Variants in FOXN3 observed in about 807,000 individuals in gnomAD.
FOXN3 encodes forkhead box protein N3.
FOXN3 carries 7 observed loss-of-function variants against 38.4 expected under a neutral mutation model. The ratio of observed to expected loss-of-function variants is 0.18; its 90% CI spans 0.10 to 0.34. The LOEUF (loss-of-function observed/expected upper bound fraction) is 0.34. Among genes scored for constraint, FOXN3 ranks in the 10% least tolerant of loss-of-function variants. The pLI, the probability that FOXN3 is intolerant of heterozygous loss-of-function variation, is 1.00. For synonymous variants in FOXN3, 230 were observed against 242.2 expected, an observed-to-expected ratio of 0.95 and a Z score of 0.47; for missense variants, 456 against 613.4, an observed-to-expected ratio of 0.74 and a Z score of 2.71.
intron 2 of FOXN3, among the ~76,000 whole-genome samples, chr14:89,378,802 G>A (rs1412513382): frequency 6.6e-6 from 1 of 151,140 alleles, no homozygotes; most frequent in Non-Finnish European, 1.5e-5. Context: ...TGCCTCCCAG[G>A]TTCAAGTGAT....
At chr14:89,524,404 GAAA>G (rs1309659725) in intron 1 of FOXN3, among the ~76,000 whole-genome samples, 1 of 25,600 alleles carries the variant, frequency 3.9e-5, no homozygotes, top group East Asian at 1.8e-3. Context: ...AAAAAAAAAA[GAAA>G]GAAAGAAACT....
intron 3 of FOXN3, 42 bp from the exon 4 acceptor site, chr14:89,281,056 C>T (rs750286468): frequency 1.3e-6 from 2 of 1,546,008 alleles, no homozygotes; most frequent in South Asian, 2.3e-5. Context: ...AGTTCATCTG[C>T]ACTCACACAC....
At chr14:89,398,518 A>G (rs1212577471) in intron 2 of FOXN3, among the ~76,000 whole-genome samples, 1 of 152,130 alleles carries the variant, frequency 6.6e-6, no homozygotes, top group Non-Finnish European at 1.5e-5. Context: ...CAATTTATAA[A>G]CTTGGAATGA....
intron 4 of FOXN3, among the ~76,000 whole-genome samples, chr14:89,265,603 G>A (rs1022912775): frequency 6.6e-6 from 1 of 152,188 alleles, no homozygotes; most frequent in African/African-American, 2.4e-5. Context: ...GCAAGCCAGG[G>A]TTAATGCCTA....
At chr14:89,236,319 T>A (rs1038453142) in intron 4 of FOXN3, among the ~76,000 whole-genome samples, 43 of 152,112 alleles carry the variant, frequency 2.8e-4, no homozygotes, top group African/African-American at 1.0e-3. Flanking sequence ...ATCGAGACCA[T>A]CCTGGCTAAC....
At chr14:89,553,622 C>T (rs1337881349) in intron 1 of FOXN3, among the ~76,000 whole-genome samples, 6 of 152,058 alleles carry the variant, frequency 3.9e-5, no homozygotes, top group Admixed American at 3.9e-4. Context: ...ATGTAATTAC[C>T]CTGGAGATGA....
At chr14:89,383,029 G>GTTTTTTTTTTTT (rs57032907) in intron 2 of FOXN3, among the ~76,000 whole-genome samples, 4 of 92,516 alleles carry the variant, frequency 4.3e-5, no homozygotes, top group African/African-American at 1.2e-4. Context: ...TTTGGGTGGT[G>GTTTTTTTTTTTT]TTTTTTTTTT....
Position 89,511,468 on chromosome 14 carries a change from A to T in FOXN3, c.-14-98978T>A, listed in dbSNP as rs1052872464. ...CTACTACACTCAGCTAACTTTAAAA[A>T]TTTTTTTGTAGAGATAGGGTTTCAC... On this transcript the variant is annotated intron_variant, in intron 1 of 6. Transcript: ENST00000345097. 1.0e-3 allele frequency among the ~76,000 whole-genome samples: 155 copies of T among 151,282 alleles called. 1 individual carries two copies. Among genetic ancestry groups the T allele is most frequent in the Non-Finnish European group, 1.5e-3 (105 of 67,862 alleles).
At chr14:89,413,714 CGGAAGAGAAGGG>C (rs1238932628) in intron 1 of FOXN3, among the ~76,000 whole-genome samples, 1 of 83,382 alleles carries the variant, frequency 1.2e-5, no homozygotes, top group Admixed American at 1.7e-4. Flanking sequence ...GGGAAGGGAA[CGGAAGAGAAGGG>C]GGAAGGGAAG....
intron 2 of FOXN3, among the ~76,000 whole-genome samples, chr14:89,363,836 T>G (rs1336334282): frequency 6.6e-6 from 1 of 151,278 alleles, no homozygotes; most frequent in East Asian, 1.9e-4. Flanking sequence ...ACAGGACTTT[T>G]GGGAGGCTGA....
chr14:89,528,341 A>T (rs1894472726), intron 1 of FOXN3, among the ~76,000 whole-genome samples: 1 of 142,048 alleles, frequency 7.0e-6, no homozygotes, highest in South Asian at 2.3e-4. Context: ...AATAAAGAGG[A>T]TAGAAGTGTT....
At chr14:89,238,409 G>C (rs1362383788) in intron 4 of FOXN3, among the ~76,000 whole-genome samples, 2 of 152,210 alleles carry the variant, frequency 1.3e-5, no homozygotes, top group Non-Finnish European at 2.9e-5. Context: ...TTCCAAGTCT[G>C]TTTCAGCTGC....
Position 89,251,657 on chromosome 14 carries a change from G to A in FOXN3, c.745+29293C>T, listed in dbSNP as rs189847000. ...TCAAGTACTTAAATTTAAAATGTCT[G>A]TTTTCCTTCGATATAAAGATCCCAC... On this transcript the variant is annotated intron_variant, in intron 4 of 5. Coordinates refer to ENST00000557258, the MANE Select transcript of FOXN3 (RefSeq NM_005197.4). Among the ~76,000 whole-genome samples, 666 of 152,184 alleles carry A rather than the reference G, an allele frequency of 4.4e-3. 9 individuals are homozygous for A. Among genetic ancestry groups the A allele is most frequent in the African/African-American group, 0.015 (633 of 41,514 alleles).
intron 2 of FOXN3, among the ~76,000 whole-genome samples, chr14:89,381,595 CCA>C (rs1482213440): frequency 6.6e-6 from 1 of 150,962 alleles, no homozygotes; most frequent in Non-Finnish European, 1.5e-5. Context: ...GTGCTGGCTC[CCA>C]CCTGTAATCC....
At chr14:89,197,189 A>G (rs1888119132) in intron 4 of FOXN3, among the ~76,000 whole-genome samples, 1 of 152,154 alleles carries the variant, frequency 6.6e-6, no homozygotes, top group African/African-American at 2.4e-5. Flanking sequence ...GATGACACAC[A>G]CTCAGACAGA....
rs1891751461 is a variant in FOXN3, at chr14:89,416,891, G to C, written c.-35C>G. 6.6e-6 allele frequency: 1 copy of C among 151,914 alleles called. No homozygotes were observed. The highest frequency in any genetic ancestry group is 2.1e-4 in the South Asian group (1 of 4,842). The allele number at this position is 151,914 out of a possible 1,614,324, so 9.4% of individuals were successfully genotyped here. A position where few individuals can be genotyped will look rare whatever the true frequency, so the allele number is the denominator to read the frequency against. On this transcript the variant is annotated 5_prime_UTR_variant, in exon 1 of 6. Transcript: ENST00000557258. The stretch of plus-strand genomic sequence containing the variant: ...CTCACCTGGCCGGAGCGGGGCACGG[G>C]GGTGCGGGGGCGCCGCTGCCCTTCA...
At chr14:89,603,483 G>A (rs1460378054) in intron 1 of FOXN3, among the ~76,000 whole-genome samples, 2 of 152,146 alleles carry the variant, frequency 1.3e-5, no homozygotes, top group Non-Finnish European at 2.9e-5. Context: ...TAAGGATTAT[G>A]CTTTTTTCTC....
intron 1 of FOXN3, among the ~76,000 whole-genome samples, chr14:89,521,494 T>C (rs1175804273): frequency 1.3e-5 from 2 of 152,054 alleles, no homozygotes; most frequent in African/African-American, 4.8e-5. Context: ...ATCAGAACTT[T>C]AGATACCTCT....
chr14:89,413,577 G>C (rs764440824), intron 1 of FOXN3, among the ~76,000 whole-genome samples: 2 of 151,850 alleles, frequency 1.3e-5, no homozygotes, highest in Non-Finnish European at 2.9e-5. Context: ...AGGCTGCAGT[G>C]AGCCATGACT....
Sources: gnomAD v4.1 joint callset for allele counts (sites outside exome capture counted in the v4.1 genomes callset) on GRCh38, gnomAD v4.1.1 for gene constraint, MANE v1.5 for transcripts, NCBI Gene and HGNC (gene_info 2026-07-23, HGNC 2026-07-21) for gene names.